The following PPP1R13L variants were observed in gnomAD, a reference collection of about 807,000 sequenced individuals.
PPP1R13L encodes relA-associated inhibitor.
A neutral mutation model predicts 80.9 loss-of-function variants in PPP1R13L; 50 were observed. That is an observed-to-expected ratio of 0.62 (90% CI 0.49 to 0.78). PPP1R13L has a LOEUF of 0.78. Ranked by LOEUF, PPP1R13L falls within the 30% of genes least tolerant of loss-of-function variation. The probability of loss-of-function intolerance (pLI) is 0.00; values close to 1 mark genes in which losing one functional copy is unlikely to be tolerated. For synonymous variants in PPP1R13L, 602 were observed against 534.3 expected (o/e 1.13, Z -1.75); for missense variants, 1,200 against 1,205.9 (o/e 1.00, Z 0.07).
intron 1 of PPP1R13L, 85 bp from the exon 2 acceptor site, chr19:45,398,424 GACA>G (rs1973160869): frequency 4.5e-6 from 6 of 1,334,336 alleles, no homozygotes; most frequent in Non-Finnish European, 6.2e-6. Flanking sequence ...TCAGGAGCGG[GACA>G]ACGCCTCAAC....
rs903440271 is a variant in PPP1R13L, at chr19:45,380,364, A to T, written c.2449-136T>A. The T allele has an allele frequency of 4.1e-5, 38 of 929,630 alleles. 1 individual carries two copies. The East Asian group carries it at 8.1e-4, about 20-fold the overall frequency. 57.6% of individuals were successfully genotyped at this position (929,630 alleles called of 1,614,324 possible). A position where few individuals can be genotyped will look rare whatever the true frequency, so the allele number is the denominator to read the frequency against. ...ACCTCCCAAACTGCTCCAGAATCCA[A>T]GTTCTGTGTCACCTCCAAGAACCAG... On this transcript the variant is annotated intron_variant, in intron 12 of 12. Transcript: ENST00000360957.
intron 3 of PPP1R13L, among the ~76,000 whole-genome samples, chr19:45,397,313 T>C (rs1465364737): frequency 6.6e-6 from 1 of 152,092 alleles, no homozygotes; most frequent in Non-Finnish European, 1.5e-5. Flanking sequence ...TGAGGGTCCC[T>C]TTAGATGTCC....
rs373481956 is a variant in PPP1R13L at position 45,395,516 on chromosome 19, G to A, written c.1274C>T (p.Pro425Leu). 1 of 1,489,330 alleles carries A rather than the reference G, an allele frequency of 6.7e-7. No individual in the cohort carries two copies. Among genetic ancestry groups the A allele is most frequent in the Non-Finnish European group, 9.0e-7 (1 of 1,113,304 alleles). The allele number at this position is 1,489,330 out of a possible 1,614,324, so 92.3% of individuals were successfully genotyped here. A position where few individuals can be genotyped will look rare whatever the true frequency, so the allele number is the denominator to read the frequency against. Reference sequence around the variant, plus strand: ...TTGGGGTTGGGTCTGGGGCTGTGGGGGCAGCTGGGGCTGTGGTTGTGATTG... The same window carrying A: ...TTGGGGTTGGGTCTGGGGCTGTGGGAGCAGCTGGGGCTGTGGTTGTGATTG... ...QPQSQPQPQL[P>L]PQPQTQPQTP... The change falls in exon 7 of 13, where the codon CCC becomes CTC. Residue 425 changes from proline to leucine, a missense_variant. Pro to Leu is a moderately conservative substitution (Grantham distance 98). This residue lies in a region of PPP1R13L where 764 missense variants were observed against 714.5 expected (regional missense o/e 1.07). Transcript: ENST00000360957.
intron 1 of PPP1R13L, among the ~76,000 whole-genome samples, chr19:45,399,623 T>G (rs1032099926): frequency 5.7e-5 from 7 of 121,880 alleles, no homozygotes; most frequent in Admixed American, 4.1e-4. Context: ...GACTCCGTCT[T>G]AAAACAAACA....
Position 45,396,816 on chromosome 19 carries a change from A to T in PPP1R13L, c.441T>A (p.Asp147Glu). The change falls in exon 4 of 13, where the codon GAT becomes GAA. Residue 147 changes from aspartate to glutamate, a missense_variant. Asp to Glu is a conservative substitution (Grantham distance 45). Coordinates refer to ENST00000360957, the MANE Select transcript of PPP1R13L (RefSeq NM_006663.4). This position sits in a 1 kb window ranked among gnomAD's most constrained non-coding sequence, Gnocchi z 5.3. The part of the protein sequence containing the change: ...RATSPRPRAF[D>E]GAGSSLGRAP... Reference sequence around the variant, plus strand: ...CACGGCCGAGGGAGCTGCCTGCGCCATCGAAGGCGCGGGGCCGGGGCGAGG... The same window carrying T: ...CACGGCCGAGGGAGCTGCCTGCGCCTTCGAAGGCGCGGGGCCGGGGCGAGG... The T allele has an allele frequency of 2.1e-6, 3 of 1,444,416 alleles. No individual in the cohort carries two copies. Among genetic ancestry groups the T allele is most frequent in the Non-Finnish European group, 9.0e-7 (1 of 1,106,798 alleles). 89.5% of individuals were successfully genotyped at this position (1,444,416 alleles called of 1,614,324 possible). A position where few individuals can be genotyped will look rare whatever the true frequency, so the allele number is the denominator to read the frequency against.
chr19:45,392,328 G>T lies in PPP1R13L; in HGVS notation c.1367C>A (p.Pro456His), dbSNP rs1599769722. Residue 456 changes from proline (P) to histidine (H), a missense_variant, in exon 8 of 13, where the codon CCC (proline) becomes CAC (histidine). By Grantham distance (77) the Pro-to-His change is moderately conservative. Coordinates refer to ENST00000360957, the MANE Select transcript of PPP1R13L (RefSeq NM_006663.4). ...WPPVNEGPPK[P>H]PTELEPEPEI... ...CGGCTCAGGCTCCAGCTCGGTGGGG[G>T]GTTTGGGGGGTCCTAGCCGGAACAA... The T allele has an allele frequency of 6.2e-7, 1 of 1,613,356 alleles. No homozygotes were observed. The highest frequency in any genetic ancestry group is 8.5e-7 in the Non-Finnish European group (1 of 1,180,018).
Position 45,392,171 on chromosome 19 carries a change from C to T in PPP1R13L, c.1524G>A (p.Glu508=), listed in dbSNP as rs1476022829. 1 of 1,606,634 alleles carries T rather than the reference C, an allele frequency of 6.2e-7. No individual in the cohort carries two copies. Among genetic ancestry groups the T allele is most frequent in the African/African-American group, 1.3e-5 (1 of 74,844 alleles). The change falls in exon 8 of 13, where the codon GAG becomes GAA. Residue 508 remains glutamate (E), a synonymous_variant. Transcript: ENST00000360957. ...TTTCCGCCAACACCCGTGCCACCTC[C>T]TCCAGCTCGGGCACCGACTGTGCCT... The part of the protein sequence containing the change: ...PPEAQSVPEL[E]EVARVLAEIP...
intron 1 of PPP1R13L, among the ~76,000 whole-genome samples, chr19:45,398,856 A>T (rs1973171145): frequency 6.6e-6 from 1 of 151,626 alleles, no homozygotes; most frequent in Non-Finnish European, 1.5e-5. Flanking sequence ...TTATCTATTG[A>T]TCACCTACAA....
At chr19:45,387,768 G>A (rs1181244250) in intron 8 of PPP1R13L, among the ~76,000 whole-genome samples, 1 of 152,148 alleles carries the variant, frequency 6.6e-6, no homozygotes, top group Non-Finnish European at 1.5e-5. Flanking sequence ...AGCCAGGAAG[G>A]TCTTGTTCTC....
Position 45,396,079 on chromosome 19 carries a change from C to T in PPP1R13L, c.903+89G>A. The T allele has an allele frequency of 6.9e-7, 1 of 1,447,572 alleles. No homozygotes were observed. The highest frequency in any genetic ancestry group is 9.3e-7 in the Non-Finnish European group (1 of 1,071,556). The allele number at this position is 1,447,572 out of a possible 1,614,324, so 89.7% of individuals were successfully genotyped here. A position where few individuals can be genotyped will look rare whatever the true frequency, so the allele number is the denominator to read the frequency against. On this transcript the variant is annotated intron_variant, in intron 6 of 12. Coordinates refer to ENST00000360957, the MANE Select transcript of PPP1R13L (RefSeq NM_006663.4). The surrounding 1 kb of genome is among the most constrained non-coding windows in gnomAD (Gnocchi z 5.3). ...ACGGGCGCCGAGACCCAGATCGCAG[C>T]CCCGAGGGGGAGACTGGCCTTGACC... is the stretch of plus-strand genomic sequence containing the variant.
rs1375562066 is a variant in PPP1R13L at position 45,386,425 on chromosome 19, G to A, written c.1816-245C>T. Among the ~76,000 whole-genome samples, 5 of 152,130 alleles carry A rather than the reference G, an allele frequency of 3.3e-5. No homozygotes were observed. In the East Asian group the frequency reaches 9.6e-4, roughly 29 times the overall value. On this transcript the variant is annotated intron_variant, in intron 8 of 12. Coordinates refer to ENST00000360957, the MANE Select transcript of PPP1R13L (RefSeq NM_006663.4). The stretch of plus-strand genomic sequence containing the variant: ...CTGAAACTTGGGAGAAAGCTGGGGG[G>A]CCATGGGATTGGTGGCAAAGTAATT...
At position 45,397,046 on chromosome 19, in the gene PPP1R13L, T is replaced by C; in HGVS notation, c.211A>G (p.Ser71Gly). 2 of 1,326,532 alleles carry C rather than the reference T, an allele frequency of 1.5e-6. No homozygotes were observed. The highest frequency in any genetic ancestry group is 2.2e-5 in the South Asian group (1 of 46,184). The allele number at this position is 1,326,532 out of a possible 1,614,324, so 82.2% of individuals were successfully genotyped here. ...AAGGGCTCAGGGATCGAGCTGGAGC[T>C]GTACCGGGGCGGCTGTGGGGAGGCC... ...AGPPSRPPRY[S>G]SSSIPEPFGS... Residue 71 changes from serine (S) to glycine (G), a missense_variant, in exon 4 of 13, where the codon AGC becomes GGC. Coordinates refer to ENST00000360957, the MANE Select transcript of PPP1R13L (RefSeq NM_006663.4).
intron 12 of PPP1R13L, among the ~76,000 whole-genome samples, chr19:45,381,425 C>G (rs535631952): frequency 8.5e-5 from 13 of 152,100 alleles, no homozygotes; most frequent in Admixed American, 8.5e-4. Flanking sequence ...GTCTTTTGCC[C>G]TCTCCCAGCC....
upstream of PPP1R13L, among the ~76,000 whole-genome samples, chr19:45,405,232 T>C (rs1973310539): frequency 6.6e-6 from 1 of 151,582 alleles, no homozygotes; most frequent in Non-Finnish European, 1.5e-5. Flanking sequence ...TCACCCAGAG[T>C]CCATTTCACA....
chr19:45,396,716 C>T lies in PPP1R13L; in HGVS notation c.541G>A (p.Ala181Thr). 3 of 1,397,002 alleles carry T rather than the reference C, an allele frequency of 2.1e-6. No individual in the cohort carries two copies. The highest frequency in any genetic ancestry group is 2.8e-6 in the Non-Finnish European group (3 of 1,084,876). 86.5% of individuals were successfully genotyped at this position (1,397,002 alleles called of 1,614,324 possible). ...PPTPFDFLGR[A>T]GSPRGSPLAE... ...AGGGGGCTGCCGCGGGGGGAGCCTGCGCGGCCCAGGAAGTCGAAAGGCGTG... is the reference window on the plus strand; with the variant it reads ...AGGGGGCTGCCGCGGGGGGAGCCTGTGCGGCCCAGGAAGTCGAAAGGCGTG... Residue 181 changes from alanine to threonine, a missense_variant, in exon 4 of 13, where the codon GCA (alanine) becomes ACA (threonine). Physicochemically the swap from Ala to Thr is moderately conservative, Grantham distance 58 (BLOSUM62 0). Around this residue, in one of 5 missense-constraint regions of PPP1R13L, gnomAD observed 764 missense variants for 714.5 expected, o/e 1.07. Transcript: ENST00000360957. The surrounding 1 kb of genome is among the most constrained non-coding windows in gnomAD (Gnocchi z 5.3).
At position 45,386,089 on chromosome 19, in the gene PPP1R13L, A is replaced by T; in HGVS notation, c.1907T>A (p.Leu636Gln). Residue 636 changes from leucine (L) to glutamine (Q), a missense_variant, in exon 9 of 13, where the codon CTG (leucine) becomes CAG (glutamine). Leu to Gln is a moderately radical substitution (Grantham distance 113). Coordinates refer to ENST00000360957, the MANE Select transcript of PPP1R13L (RefSeq NM_006663.4). ...CTGCACCACCTCCAGCTCCCCGGTC[A>T]GCGCCGCGTCCAGGAGGAGCACCAG... ...NPLVLLLDAA[L>Q]TGELEVVQQA... The T allele has an allele frequency of 6.3e-7, 1 of 1,579,574 alleles. No individual in the cohort carries two copies. Among genetic ancestry groups the T allele is most frequent in the Admixed American group, 1.9e-5 (1 of 53,632 alleles).
At chr19:45,386,784 C>T (rs1044928405) in intron 8 of PPP1R13L, among the ~76,000 whole-genome samples, 2 of 151,390 alleles carry the variant, frequency 1.3e-5, no homozygotes, top group African/African-American at 4.8e-5. Context: ...TACAGGCATG[C>T]GCCACTATGC....
intron 8 of PPP1R13L, among the ~76,000 whole-genome samples, chr19:45,387,452 A>C (rs1972891278): frequency 6.6e-6 from 1 of 152,236 alleles, no homozygotes; most frequent in Non-Finnish European, 1.5e-5. Context: ...TTGTGATTGC[A>C]GAAATGCTAG....
intron 3 of PPP1R13L, 54 bp downstream of exon 3, chr19:45,397,951 T>C: frequency 4.5e-6 from 7 of 1,570,060 alleles, no homozygotes; most frequent in Non-Finnish European, 1.7e-6. Flanking sequence ...AGGCCTCTGG[T>C]CTGGACTGTG....
Sources: allele counts gnomAD v4.1 joint callset (sites outside exome capture counted in the v4.1 genomes callset), GRCh38; gene constraint gnomAD v4.1.1; regional missense constraint gnomAD v4.1.1; non-coding constraint Gnocchi (gnomAD v3.1); transcripts MANE v1.5; gene names NCBI Gene and HGNC (gene_info 2026-07-23, HGNC 2026-07-21).